The following DUSP11 variants were observed in gnomAD, a reference collection of about 807,000 sequenced individuals.
The protein encoded by DUSP11 is RNA/RNP complex-1-interacting phosphatase.
A neutral mutation model predicts 41.4 loss-of-function variants in DUSP11; 27 were observed. That is an observed-to-expected ratio of 0.65 (90% CI 0.48 to 0.90). DUSP11 has a LOEUF of 0.90. Among genes scored for constraint, DUSP11 ranks in the 40% least tolerant of loss-of-function variants. The pLI is 0.00. For synonymous variants in DUSP11, 188 were observed against 159.3 expected (o/e 1.18, Z -1.35); for missense variants, 465 against 461.1 (o/e 1.01, Z -0.08).
At chr2:73,766,360 T>C in intron 8 of DUSP11, 58 bp downstream of exon 8, 1 of 1,432,440 alleles carries the variant, frequency 7.0e-7, no homozygotes. Flanking sequence ...TGTGTTTTCA[T>C]TAACTATAGT....
At chr2:73,779,622 A>C in intron 1 of DUSP11, 1 of 588,136 alleles carries the variant, frequency 1.7e-6, no homozygotes, top group Admixed American at 3.1e-5. Flanking sequence ...CCTTAAAGCA[A>C]TCCTTCCGTA....
chr2:73,765,573 T>TATCTATCC (rs780154983), intron 8 of DUSP11, among the ~76,000 whole-genome samples: 19 of 151,592 alleles, frequency 1.3e-4, no homozygotes, highest in Non-Finnish European at 1.5e-4. Flanking sequence ...CCCATCCATC[T>TATCTATCC]ATCCATCCAT....
intron 5 of DUSP11, chr2:73,767,943 G>A (rs1337985992): frequency 6.6e-6 from 1 of 152,178 alleles, no homozygotes; most frequent in East Asian, 1.9e-4. Flanking sequence ...AAATTCAATG[G>A]TTTTCTATTG....
intron 2 of DUSP11, among the ~76,000 whole-genome samples, chr2:73,775,897 G>A (rs1290645480): frequency 1.4e-5 from 2 of 146,110 alleles, no homozygotes; most frequent in South Asian, 2.2e-4. Context: ...AAGAGATAGG[G>A]TCTTGCCGTC....
intron 4 of DUSP11, among the ~76,000 whole-genome samples, chr2:73,770,408 G>A (rs1192307994): frequency 2.0e-5 from 3 of 151,656 alleles, no homozygotes; most frequent in Admixed American, 6.6e-5. Flanking sequence ...CCAGCTACTC[G>A]GGAGGCTGAG....
intron 8 of DUSP11, among the ~76,000 whole-genome samples, chr2:73,764,646 C>G (rs1417752163): frequency 1.3e-5 from 2 of 152,182 alleles, no homozygotes; most frequent in African/African-American, 4.8e-5. Context: ...GCCTGACAAC[C>G]ACTACAATGG....
intron 8 of DUSP11, among the ~76,000 whole-genome samples, chr2:73,766,006 T>C (rs1672452290): frequency 6.6e-6 from 1 of 152,188 alleles, no homozygotes; most frequent in Non-Finnish European, 1.5e-5. Context: ...TGGTTCAAAC[T>C]GAACAGCAAG....
chr2:73,766,883 G>A (rs1230683491), exon 7 of DUSP11: 1 of 1,613,042 alleles, frequency 6.2e-7, no homozygotes, highest in Admixed American at 1.7e-5. Context: ...TCTAAGCAAT[G>A]TCCCCGGCAC....
chr2:73,765,720 C>T (rs1166159382), intron 8 of DUSP11, among the ~76,000 whole-genome samples: 1 of 152,152 alleles, frequency 6.6e-6, no homozygotes, highest in Non-Finnish European at 1.5e-5. Context: ...TGTTCAGATC[C>T]TTTGCTATTT....
rs186305449 is a variant in DUSP11, at chr2:73,779,218, G to A, written c.242+656C>T. 2.0e-5 allele frequency among the ~76,000 whole-genome samples: 3 copies of A among 152,282 alleles called. No homozygotes were observed. In the East Asian group the frequency reaches 5.8e-4, roughly 29 times the overall value. On this transcript the variant is annotated intron_variant, in intron 1 of 8. Transcript: ENST00000272444. The stretch of plus-strand genomic sequence containing the variant: ...GAGATTCACTAATTAGAACCCCACT[G>A]CAATAAGTCAGGCAAGACCTGTATT...
At chr2:73,775,038 C>G in exon 3 of DUSP11, 1 of 1,609,564 alleles carries the variant, frequency 6.2e-7, no homozygotes. Context: ...AGTTTCTTTT[C>G]AAAACTCTGT....
chr2:73,764,291 GT>G (rs1672417064), intron 8 of DUSP11, among the ~76,000 whole-genome samples: 1 of 152,000 alleles, frequency 6.6e-6, no homozygotes, highest in Admixed American at 6.6e-5. Context: ...TTTTTTTAAA[GT>G]TTCTTTTTTC....
At chr2:73,771,930 C>T (rs1337748844) in intron 4 of DUSP11, among the ~76,000 whole-genome samples, 1 of 151,692 alleles carries the variant, frequency 6.6e-6, no homozygotes, top group Admixed American at 6.6e-5. Context: ...ACGCCATTCT[C>T]CTGCCTCAGC....
At chr2:73,766,436 C>T (rs1288690827) in exon 8 of DUSP11, 1 of 1,611,002 alleles carries the variant, frequency 6.2e-7, no homozygotes, top group Non-Finnish European at 8.5e-7. Flanking sequence ...TTGTTGCAAA[C>T]TTTGGGTCTG....
Position 73,766,519 on chromosome 2 carries a change from C to T in DUSP11, c.834G>A (p.Lys278=), listed in dbSNP as rs749592587. 9.9e-6 allele frequency: 16 copies of T among 1,614,052 alleles called. No individual in the cohort carries two copies. The Admixed American group carries it at 2.3e-4, about 24-fold the overall frequency. Residue 278 remains lysine (K), a synonymous_variant, in exon 8 of 9, where the codon AAG becomes AAA. Coordinates refer to ENST00000272444, the Ensembl canonical transcript of DUSP11. ...TATACCTAGGTCCTTGTTTAACAGG[C>T]TTATTGTGGACTGGTTGCATGAGAT... is the stretch of plus-strand genomic sequence containing the variant.
chr2:73,777,834 A>G lies in DUSP11; in HGVS notation c.318+467T>C, dbSNP rs1034271977. 8.5e-5 allele frequency among the ~76,000 whole-genome samples: 13 copies of G among 152,334 alleles called. No homozygotes were observed. In the South Asian group the frequency reaches 1.0e-3, roughly 12 times the overall value. On this transcript the variant is annotated intron_variant, in intron 2 of 8. Coordinates refer to ENST00000272444, the Ensembl canonical transcript of DUSP11. ...ATAAACACAAAGTATTTTTTGTACA[A>G]TACTAATATATATTGAATTTTCCAG...
chr2:73,767,006 T>A, intron 6 of DUSP11, 103 bp from the exon 7 acceptor site: 1 of 1,195,814 alleles, frequency 8.4e-7, no homozygotes, highest in East Asian at 2.3e-5. Flanking sequence ...TATATCTCAC[T>A]ACTTCCACAT....
intron 4 of DUSP11, among the ~76,000 whole-genome samples, chr2:73,771,913 C>T (rs551084846): frequency 1.7e-3 from 256 of 151,764 alleles, no homozygotes; most frequent in African/African-American, 4.5e-3. Flanking sequence ...CTCCGCCTCC[C>T]GGGTTCACGC....
At chr2:73,779,277 G>T (rs894907473) in intron 1 of DUSP11, among the ~76,000 whole-genome samples, 1 of 152,234 alleles carries the variant, frequency 6.6e-6, no homozygotes, top group Non-Finnish European at 1.5e-5. Context: ...TCAAAAGATA[G>T]TAGATAAAAT....
Sources: allele counts gnomAD v4.1 joint callset (sites outside exome capture counted in the v4.1 genomes callset), GRCh38; gene constraint gnomAD v4.1.1; transcripts MANE v1.5; gene names NCBI Gene and HGNC (gene_info 2026-07-23, HGNC 2026-07-21).